Variants in DISP2 observed in about 807,000 individuals in gnomAD.
The protein encoded by DISP2 is dispatched RND transporter family member 2.
In DISP2, 59 loss-of-function variants were observed where a neutral mutation model predicts 95.5. The observed-to-expected ratio is 0.62, with a 90% CI of 0.50 to 0.77. The LOEUF (loss-of-function observed/expected upper bound fraction) is 0.77. DISP2 is among the 30% of genes least tolerant of loss of function. The pLI is 0.00. For missense variants in DISP2, 1,752 were observed against 1,854.6 expected, an observed-to-expected ratio of 0.94 and a Z score of 1.02; for synonymous variants, 827 against 815.0, an observed-to-expected ratio of 1.01 and a Z score of -0.25.
rs1341998906 is a variant in DISP2, at chr15:40,365,285, G to C, written c.847+11G>C. The C allele has an allele frequency of 6.2e-7, 1 of 1,613,116 alleles. No individual in the cohort carries two copies. The highest frequency in any genetic ancestry group is 8.5e-7 in the Non-Finnish European group (1 of 1,179,872). ...TCTGTGGCCCCCCTGGTAAGCTGCA[G>C]CCTGGCCAGTTCCTGGTTTTAATAG... On this transcript the variant is annotated intron_variant, in intron 6 of 7. Transcript: ENST00000267889.
Position 40,369,066 on chromosome 15 carries a change from A to G in DISP2, c.2954A>G (p.Asn985Ser). The change falls in exon 8 of 8, where the codon AAT becomes AGT. Residue 985 changes from asparagine to serine, a missense_variant. This residue lies in a region of DISP2 where 317 missense variants were observed against 394.9 expected (regional missense o/e 0.80). Transcript: ENST00000267889. ...GCCACACTGCTCCTGGGCACCTGGA[A>G]TGTTCCCCTCAGCCTATTCTCCGTG... ...AFATLLLGTW[N>S]VPLSLFSVAA... is the part of the protein sequence containing the mutation. 6.2e-7 allele frequency: 1 copy of G among 1,614,062 alleles called. No homozygotes were observed. Among genetic ancestry groups the G allele is most frequent in the Non-Finnish European group, 8.5e-7 (1 of 1,180,036 alleles).
Position 40,370,788 on chromosome 15 carries a change from C to T in DISP2, c.*470C>T. The T allele has an allele frequency of 1.3e-5, 5 of 384,170 alleles. No homozygotes were observed. Among genetic ancestry groups the T allele is most frequent in the South Asian group, 9.3e-5 (5 of 53,494 alleles). 23.8% of individuals were successfully genotyped at this position (384,170 alleles called of 1,614,324 possible). On this transcript the variant is annotated 3_prime_UTR_variant, in exon 8 of 8. Transcript: ENST00000267889. ...CTGGGTCTCACCCCTTTCATGGGCT[C>T]TTCATCAGGACACTTCCCTCTCTTT...
rs1165515348 is a variant in DISP2 at position 40,372,581 on chromosome 15, C to T, written c.*2263C>T. On this transcript the variant is annotated 3_prime_UTR_variant, in exon 8 of 8. Transcript: ENST00000267889. ...GCTGGAACCTAATTTGAACCTGTCC[C>T]CAGGGGGTCTGCTGGGACCTCTCTC... The T allele has an allele frequency of 1.3e-5, 2 of 152,180 alleles. No homozygotes were observed. The highest frequency in any genetic ancestry group is 4.8e-5 in the African/African-American group (2 of 41,406). 9.4% of individuals were successfully genotyped at this position (152,180 alleles called of 1,614,324 possible).
chr15:40,361,105 G>A (rs1309519066), intron 1 of DISP2, among the ~76,000 whole-genome samples: 1 of 152,172 alleles, frequency 6.6e-6, no homozygotes, highest in Non-Finnish European at 1.5e-5. Flanking sequence ...ACTTTATGGA[G>A]TCATCTGAGG....
In DISP2 at chr15:40,370,094, C is replaced by G; in HGVS notation, c.3982C>G (p.Leu1328Val). 1 of 1,611,656 alleles carries G rather than the reference C, an allele frequency of 6.2e-7. No individual in the cohort carries two copies. Among genetic ancestry groups the G allele is most frequent in the Non-Finnish European group, 8.5e-7 (1 of 1,178,696 alleles). ...DDLDDTGQPV[L>V]ERGQLNGKRD... Reference sequence around the variant, plus strand: ...CCTGGATGACACTGGGCAGCCAGTCCTTGAGCGAGGCCAGCTCAATGGGAA... The same window carrying G: ...CCTGGATGACACTGGGCAGCCAGTCGTTGAGCGAGGCCAGCTCAATGGGAA... The change falls in exon 8 of 8, where the codon CTT becomes GTT. Residue 1328 changes from leucine (L) to valine (V), a missense_variant. Leu to Val is a conservative substitution (Grantham distance 32, BLOSUM62 1). Around this residue, in one of 5 missense-constraint regions of DISP2, gnomAD observed 347 missense variants for 344.2 expected, o/e 1.01. Transcript: ENST00000267889.
At position 40,370,698 on chromosome 15, in the gene DISP2, C is replaced by T. The variant is rs1472636399; in HGVS notation, c.*380C>T. 1.0e-5 allele frequency: 5 copies of T among 481,912 alleles called. No individual in the cohort carries two copies. The highest frequency in any genetic ancestry group is 3.1e-5 in the South Asian group (2 of 64,766). The allele number at this position is 481,912 out of a possible 1,614,324, so 29.9% of individuals were successfully genotyped here. A position where few individuals can be genotyped will look rare whatever the true frequency, so the allele number is the denominator to read the frequency against. On this transcript the variant is annotated 3_prime_UTR_variant, in exon 8 of 8. Coordinates refer to ENST00000267889, the MANE Select transcript of DISP2 (RefSeq NM_033510.3). ...AACTTCAGTGAGACTAAGGGACCCC[C>T]ATCCTAGGGATCTTGTCAGGGTTCC...
rs1403850737 is a variant in DISP2, at chr15:40,368,075, C to A, written c.1963C>A (p.Arg655=). The A allele has an allele frequency of 6.3e-6, 9 of 1,426,766 alleles. No homozygotes were observed. Among genetic ancestry groups the A allele is most frequent in the Non-Finnish European group, 8.2e-6 (9 of 1,098,238 alleles). The allele number at this position is 1,426,766 out of a possible 1,614,324, so 88.4% of individuals were successfully genotyped here. Residue 655 remains arginine (R), a synonymous_variant, in exon 8 of 8, where the codon CGG becomes AGG. Transcript: ENST00000267889. The part of the protein sequence containing the change: ...ERYLARGCAR[R]ARGRWEGSAP... ...CTACCTGGCGCGCGGCTGTGCGCGCCGGGCGCGGGGCCGGTGGGAGGGCAG... is the reference window on the plus strand; with the variant it reads ...CTACCTGGCGCGCGGCTGTGCGCGCAGGGCGCGGGGCCGGTGGGAGGGCAG...
Position 40,367,812 on chromosome 15 carries a change from G to A in DISP2, c.1700G>A (p.Arg567His). The change falls in exon 8 of 8, where the codon CGC becomes CAC. Residue 567 changes from arginine (R) to histidine (H), a missense_variant. Around this residue, in one of 5 missense-constraint regions of DISP2, gnomAD observed 732 missense variants for 714.6 expected, o/e 1.02. Transcript: ENST00000267889. ...ACGCTCATCTTCTTCGACCTGTGGC[G>A]CCTTAGCAAGAGCCAGCTGCCGTCG... Reference protein sequence around the residue: ...NHTLIFFDLWRLSKSQLPSGG... With the variant: ...NHTLIFFDLWHLSKSQLPSGG... 1 of 1,604,716 alleles carries A rather than the reference G, an allele frequency of 6.2e-7. No homozygotes were observed. The highest frequency in any genetic ancestry group is 8.5e-7 in the Non-Finnish European group (1 of 1,179,966).
rs760862996 is a variant in DISP2 at position 40,358,453 on chromosome 15, G to C, written c.119+13G>C. The C allele has an allele frequency of 2.2e-5, 28 of 1,297,068 alleles. No homozygotes were observed. Among genetic ancestry groups the C allele is most frequent in the African/African-American group, 3.1e-5 (2 of 64,826 alleles). 80.3% of individuals were successfully genotyped at this position (1,297,068 alleles called of 1,614,324 possible). ...GCTCCCCGGACAGGTAGGGCGGACA[G>C]CTCCGCAGATCCGTATCACAGACCC... On this transcript the variant is annotated intron_variant, in intron 1 of 7. Transcript: ENST00000267889.
intron 7 of DISP2, among the ~76,000 whole-genome samples, chr15:40,366,253 C>A (rs1566915400): frequency 6.6e-6 from 1 of 152,216 alleles, no homozygotes; most frequent in Non-Finnish European, 1.5e-5. Context: ...GAATTCAAGG[C>A]CAGCTCTAAG....
chr15:40,362,431 A>G (rs1889419917), intron 1 of DISP2, among the ~76,000 whole-genome samples: 1 of 152,238 alleles, frequency 6.6e-6, no homozygotes, highest in East Asian at 1.9e-4. Context: ...TAGCACCACT[A>G]TTAGCAGCCA....
rs948416859 is a variant in DISP2 at position 40,363,631 on chromosome 15, G to T, written c.126G>T (p.Gln42His). ...APDGGSPDST[Q>H]TKAVPPEASP... Reference sequence around the variant, plus strand: ...TTGTCTCCTCTCTTCCTAGCACCCAGACCAAGGCTGTGCCCCCTGAGGCAA... The same window carrying T: ...TTGTCTCCTCTCTTCCTAGCACCCATACCAAGGCTGTGCCCCCTGAGGCAA... The change falls in exon 2 of 8, where the codon CAG becomes CAT. Residue 42 changes from glutamine to histidine, a missense_variant. Transcript: ENST00000267889. 21 of 1,539,240 alleles carry T rather than the reference G, an allele frequency of 1.4e-5. No individual in the cohort carries two copies. The Admixed American group carries it at 3.9e-4, about 28-fold the overall frequency.
At position 40,368,793 on chromosome 15, in the gene DISP2, T is replaced by C. The variant is rs1399538699; in HGVS notation, c.2681T>C (p.Phe894Ser). ...GGCACCCAGGACCTGGGACTCCGCT[T>C]TGATGCCCATGGCAGCCTGGCCGCC... ...PDGTQDLGLRFDAHGSLAALV... is the reference protein window; with the variant it reads ...PDGTQDLGLRSDAHGSLAALV... The change falls in exon 8 of 8, where the codon TTT (phenylalanine) becomes TCT (serine). Residue 894 changes from phenylalanine to serine, a missense_variant. Transcript: ENST00000267889. The C allele has an allele frequency of 3.1e-6, 5 of 1,613,800 alleles. No individual in the cohort carries two copies. Among genetic ancestry groups the C allele is most frequent in the African/African-American group, 1.3e-5 (1 of 74,948 alleles).
intron 1 of DISP2, among the ~76,000 whole-genome samples, chr15:40,359,292 A>G (rs970652018): frequency 2.6e-5 from 4 of 152,226 alleles, no homozygotes; most frequent in African/African-American, 9.6e-5. Context: ...CTTGATAGCA[A>G]TAGCAGAAGT....
Position 40,367,955 on chromosome 15 carries a change from G to A in DISP2, c.1843G>A (p.Val615Ile), listed in dbSNP as rs747625692. 5 of 1,578,824 alleles carry A rather than the reference G, an allele frequency of 3.2e-6. No homozygotes were observed. In the African/African-American group the frequency reaches 5.4e-5, roughly 17 times the overall value. The part of the protein sequence containing the change: ...YASYLSRLPA[V>I]RCLALFMGTA... ...CAGCTACCTGAGCCGCCTGCCGGCC[G>A]TTCGCTGCCTCGCCCTCTTCATGGG... Residue 615 changes from valine (V) to isoleucine (I), a missense_variant, in exon 8 of 8, where the codon GTT (valine) becomes ATT (isoleucine). Physicochemically the swap from Val to Ile is conservative, Grantham distance 29 (BLOSUM62 3). Transcript: ENST00000267889.
intron 7 of DISP2, 45 bp from the exon 8 acceptor site, chr15:40,367,013 C>A: frequency 1.3e-6 from 2 of 1,593,396 alleles, no homozygotes; most frequent in Non-Finnish European, 1.7e-6. Context: ...AAACCTGAGC[C>A]CTTGGGCTGC....
Position 40,365,285 on chromosome 15 carries a change from G to A in DISP2, c.847+11G>A. 1.9e-6 allele frequency: 3 copies of A among 1,613,234 alleles called. No individual in the cohort carries two copies. Among genetic ancestry groups the A allele is most frequent in the African/African-American group, 1.3e-5 (1 of 75,040 alleles). On this transcript the variant is annotated intron_variant, in intron 6 of 7. Coordinates refer to ENST00000267889, the MANE Select transcript of DISP2 (RefSeq NM_033510.3). Reference sequence around the variant, plus strand: ...TCTGTGGCCCCCCTGGTAAGCTGCAGCCTGGCCAGTTCCTGGTTTTAATAG... The same window carrying A: ...TCTGTGGCCCCCCTGGTAAGCTGCAACCTGGCCAGTTCCTGGTTTTAATAG...
Position 40,370,208 on chromosome 15 carries a change from C to T in DISP2, c.4096C>T (p.Arg1366Ter), listed in dbSNP as rs780263622. ...SHHSSLSWKG[R>*]GGPGDGSPVV... ...TCACAGCAGCTTGTCCTGGAAGGGC[C>T]GAGGGGGGCCAGGGGATGGCAGCCC... Residue 1366 changes from arginine (R) to a stop codon, truncating the protein, a stop_gained, in exon 8 of 8, where the codon CGA becomes TGA. Coordinates refer to ENST00000267889, the MANE Select transcript of DISP2 (RefSeq NM_033510.3). LOFTEE classifies it high-confidence loss of function. 5 of 1,610,718 alleles carry T rather than the reference C, an allele frequency of 3.1e-6. No individual in the cohort carries two copies. Among genetic ancestry groups the T allele is most frequent in the Non-Finnish European group, 3.4e-6 (4 of 1,178,780 alleles).
At position 40,374,208 on chromosome 15, in the gene DISP2, A is replaced by AGTT. The variant is rs1889695740; in HGVS notation, c.*3890_*3891insGTT. The AGTT allele has an allele frequency of 7.2e-6, 1 of 139,438 alleles. No homozygotes were observed. The highest frequency in any genetic ancestry group is 2.6e-5 in the African/African-American group (1 of 38,566). The allele number at this position is 139,438 out of a possible 1,614,324, so 8.6% of individuals were successfully genotyped here. A position where few individuals can be genotyped will look rare whatever the true frequency, so the allele number is the denominator to read the frequency against. On this transcript the variant is annotated 3_prime_UTR_variant, in exon 8 of 8. Coordinates refer to ENST00000267889, the MANE Select transcript of DISP2 (RefSeq NM_033510.3). Reference sequence around the variant, plus strand: ...TGCGGGCAATATTCCAGCTTGAGACAATTTTTTTTTTTTTTTTTTGAGACA... The same window carrying AGTT: ...TGCGGGCAATATTCCAGCTTGAGACAGTTATTTTTTTTTTTTTTTTTTGAGACA...
Sources: allele counts gnomAD v4.1 joint callset (sites outside exome capture counted in the v4.1 genomes callset), GRCh38; gene constraint gnomAD v4.1.1; regional missense constraint gnomAD v4.1.1; transcripts MANE v1.5; gene names NCBI Gene and HGNC (gene_info 2026-07-23, HGNC 2026-07-21).